PTPRG: variants seen among roughly 807,000 people sequenced by gnomAD.
The protein encoded by PTPRG is protein tyrosine phosphatase receptor type G.
A neutral mutation model predicts 165.3 loss-of-function variants in PTPRG; 102 were observed. The ratio of observed to expected loss-of-function variants is 0.62; its 90% CI spans 0.53 to 0.73. The LOEUF (loss-of-function observed/expected upper bound fraction) is 0.73. Among genes scored for constraint, PTPRG ranks in the 30% least tolerant of loss-of-function variants. PTPRG has a pLI of 0.00. For missense variants in PTPRG, 1,866 were observed against 1,861.4 expected, an observed-to-expected ratio of 1.00 and a Z score of -0.05; for synonymous variants, 675 against 669.5, an observed-to-expected ratio of 1.01 and a Z score of -0.13.
intron 2 of PTPRG, among the ~76,000 whole-genome samples, chr3:61,883,243 G>A (rs1410284139): frequency 6.6e-6 from 1 of 152,164 alleles, no homozygotes; most frequent in Non-Finnish European, 1.5e-5. Flanking sequence ...TGAACACCAT[G>A]CACTGTCTTC....
rs111681952 is a variant in PTPRG at position 62,265,110 on chromosome 3, G to C, written c.2656+2216G>C. ...ACTTGTTTGGAGAAATGTCTAATCA[G>C]ATCCTTTACCATTTTTTAACTGGCT... On this transcript the variant is annotated intron_variant, in intron 17 of 29. Transcript: ENST00000474889. 3.2e-3 allele frequency among the ~76,000 whole-genome samples: 489 copies of C among 152,232 alleles called. 2 individuals are homozygous for C. Among genetic ancestry groups the C allele is most frequent in the Non-Finnish European group, 6.1e-3 (416 of 67,992 alleles).
At chr3:61,879,887 G>T (rs753077191) in intron 2 of PTPRG, among the ~76,000 whole-genome samples, 4 of 152,084 alleles carry the variant, frequency 2.6e-5, no homozygotes, top group Non-Finnish European at 4.4e-5. Context: ...AAGCCTTTAC[G>T]TTATAATGAA....
At chr3:62,206,912 C>CAAAAAA (rs556974355) in intron 12 of PTPRG, among the ~76,000 whole-genome samples, 13 of 37,332 alleles carry the variant, frequency 3.5e-4, no homozygotes, top group East Asian at 1.4e-3. Flanking sequence ...GACTCTGTCT[C>CAAAAAA]AAAAAAAAAA....
intron 4 of PTPRG, among the ~76,000 whole-genome samples, chr3:62,009,958 C>T (rs763553568): frequency 6.6e-6 from 1 of 152,208 alleles, no homozygotes; most frequent in Non-Finnish European, 1.5e-5. Flanking sequence ...TACTGTGTCA[C>T]CCAGACTGGA....
At chr3:62,103,283 A>C (rs1702355921) in intron 5 of PTPRG, among the ~76,000 whole-genome samples, 2 of 152,314 alleles carry the variant, frequency 1.3e-5, no homozygotes, top group South Asian at 2.1e-4. Context: ...AAGTCCATTA[A>C]GTGAAGGTCT....
chr3:61,657,818 T>G (rs1460038520), intron 1 of PTPRG, among the ~76,000 whole-genome samples: 1 of 152,122 alleles, frequency 6.6e-6, no homozygotes, highest in Admixed American at 6.5e-5. Context: ...CTGCTGAGAG[T>G]GCTGCGGAAG....
intron 2 of PTPRG, among the ~76,000 whole-genome samples, chr3:61,902,175 A>T (rs1344331047): frequency 6.6e-6 from 1 of 152,136 alleles, no homozygotes; most frequent in Non-Finnish European, 1.5e-5. Flanking sequence ...ACCTGGAGAG[A>T]TGCCACATTC....
chr3:62,262,173 G>A (rs1429802136), intron 16 of PTPRG: 1 of 152,136 alleles, frequency 6.6e-6, no homozygotes. Context: ...TCCAAAGAAG[G>A]ATAACTTTTA....
chr3:62,129,015 A>G (rs1177720238), intron 5 of PTPRG, among the ~76,000 whole-genome samples: 2 of 152,136 alleles, frequency 1.3e-5, no homozygotes, highest in East Asian at 1.9e-4. Flanking sequence ...TGACCAGCCA[A>G]TAATCTCCAT....
At position 62,203,731 on chromosome 3, in the gene PTPRG, C is replaced by T. The variant is rs1316588621; in HGVS notation, c.1936C>T (p.Gln646Ter). Residue 646 changes from glutamine (Q) to a stop codon, truncating the protein, a stop_gained, in exon 12 of 30, where the codon CAG becomes TAG. Coordinates refer to ENST00000474889, the MANE Select transcript of PTPRG (RefSeq NM_002841.4). LOFTEE classifies it high-confidence loss of function. The surrounding 1 kb of genome is among the most constrained non-coding windows in gnomAD (Gnocchi z 6.4). ...GCATCAGACTATACCTGGGCATGAG[C>T]AGGATCACACTGCCGTCCCCACAGA... Reference protein sequence around the residue: ...GGHQTIPGHEQDHTAVPTDQT... With the variant: ...GGHQTIPGHE 1 of 1,595,680 alleles carries T rather than the reference C, an allele frequency of 6.3e-7. No individual in the cohort carries two copies. The highest frequency in any genetic ancestry group is 8.5e-7 in the Non-Finnish European group (1 of 1,170,638).
chr3:62,192,355 C>A (rs892028636), intron 9 of PTPRG, among the ~76,000 whole-genome samples: 3 of 149,738 alleles, frequency 2.0e-5, no homozygotes, highest in African/African-American at 7.4e-5. Flanking sequence ...TTGCAGAAGC[C>A]ATCTCCTTCC....
intron 1 of PTPRG, among the ~76,000 whole-genome samples, chr3:61,747,625 C>G (rs765010227): frequency 1.5e-4 from 19 of 127,372 alleles, no homozygotes; most frequent in Non-Finnish European, 2.9e-4. Flanking sequence ...ATAAAGTACT[C>G]TACAGGTTTC....
intron 1 of PTPRG, chr3:61,743,066 G>C: frequency 6.3e-7 from 1 of 1,590,766 alleles, no homozygotes; most frequent in Non-Finnish European, 8.6e-7. Flanking sequence ...AGGACTTCCC[G>C]CACCGCCTCG....
chr3:61,809,057 A>C (rs2035498060), intron 2 of PTPRG, among the ~76,000 whole-genome samples: 1 of 150,244 alleles, frequency 6.7e-6, no homozygotes, highest in South Asian at 2.1e-4. Context: ...GGGGTAATAT[A>C]ATCCATAGAG....
At chr3:61,716,285 A>G (rs1285103615) in intron 1 of PTPRG, among the ~76,000 whole-genome samples, 1 of 152,162 alleles carries the variant, frequency 6.6e-6, no homozygotes, top group Non-Finnish European at 1.5e-5. Flanking sequence ...TTTTTCATGA[A>G]TAATTTACCC....
rs569776658 is a variant in PTPRG at position 61,589,084 on chromosome 3, A to G, written c.85+26712A>G. On this transcript the variant is annotated intron_variant, in intron 1 of 29. Coordinates refer to ENST00000474889, the MANE Select transcript of PTPRG (RefSeq NM_002841.4). Reference sequence around the variant, plus strand: ...CTAAGAATATTTTGCTACATTTTTAATTGTTGAAAATAATTAAAAATAATA... The same window carrying G: ...CTAAGAATATTTTGCTACATTTTTAGTTGTTGAAAATAATTAAAAATAATA... Among the ~76,000 whole-genome samples the G allele has an allele frequency of 1.4e-4, 22 of 152,302 alleles. No individual in the cohort carries two copies. The South Asian group carries it at 4.6e-3, about 32-fold the overall frequency.
At chr3:62,027,249 C>T (rs559755048) in intron 4 of PTPRG, among the ~76,000 whole-genome samples, 1 of 152,262 alleles carries the variant, frequency 6.6e-6, no homozygotes, top group South Asian at 2.1e-4. Flanking sequence ...AACTTCCAGG[C>T]TGATCTAGCT....
chr3:61,697,021 C>A (rs368431981), intron 1 of PTPRG, among the ~76,000 whole-genome samples: 8 of 152,120 alleles, frequency 5.3e-5, no homozygotes, highest in African/African-American at 1.7e-4. Context: ...ACATACTACT[C>A]CAAAATATGG....
chr3:62,225,378 G>A (rs777736589), intron 13 of PTPRG, among the ~76,000 whole-genome samples: 6 of 152,228 alleles, frequency 3.9e-5, no homozygotes, highest in Non-Finnish European at 7.3e-5. Flanking sequence ...GAGGAGCTAT[G>A]GGAGAGGAGC....
Sources: allele counts gnomAD v4.1 joint callset (sites outside exome capture counted in the v4.1 genomes callset), GRCh38; gene constraint gnomAD v4.1.1; non-coding constraint Gnocchi (gnomAD v3.1); transcripts MANE v1.5; gene names NCBI Gene and HGNC (gene_info 2026-07-23, HGNC 2026-07-21).